Variants in PMPCB observed in about 807,000 individuals in gnomAD.
The protein encoded by PMPCB is peptidase, mitochondrial processing subunit beta.
A neutral mutation model predicts 61.5 loss-of-function variants in PMPCB; 46 were observed. That is an observed-to-expected ratio of 0.75 (90% CI 0.59 to 0.96). The LOEUF (loss-of-function observed/expected upper bound fraction) is 0.96. Ranked by LOEUF, PMPCB falls within the 40% of genes least tolerant of loss-of-function variation. The probability of loss-of-function intolerance (pLI) is 0.00; values close to 1 mark genes in which losing one functional copy is unlikely to be tolerated. For missense variants in PMPCB, 590 were observed against 602.4 expected (o/e 0.98, Z 0.22); for synonymous variants, 191 against 201.6 (o/e 0.95, Z 0.44).
intron 3 of PMPCB, 71 bp downstream of exon 3, chr7:103,299,600 G>C: frequency 1.2e-6 from 1 of 835,088 alleles, no homozygotes; most frequent in Non-Finnish European, 2.0e-6. Flanking sequence ...ATTCTTTAGA[G>C]GCAGGGAGAG....
chr7:103,312,231 T>G lies in PMPCB; in HGVS notation c.1430T>G (p.Phe477Cys). 6.2e-7 allele frequency: 1 copy of G among 1,613,318 alleles called. No individual in the cohort carries two copies. Among genetic ancestry groups the G allele is most frequent in the Non-Finnish European group, 8.5e-7 (1 of 1,179,938 alleles). The change falls in exon 13 of 13, where the codon TTT becomes TGT. Residue 477 changes from phenylalanine (F) to cysteine (C), a missense_variant. Phe to Cys is a radical substitution (Grantham distance 205, BLOSUM62 -2). Coordinates refer to ENST00000249269, the MANE Select transcript of PMPCB (RefSeq NM_004279.3). Reference sequence around the variant, plus strand: ...GGTCCCATTAAGCAACTACCAGATTTTAAACAGATACGCAGTAACATGTGT... The same window carrying G: ...GGTCCCATTAAGCAACTACCAGATTGTAAACAGATACGCAGTAACATGTGT... ...AVGPIKQLPDFKQIRSNMCWL... is the reference protein window; with the variant it reads ...AVGPIKQLPDCKQIRSNMCWL...
chr7:103,297,774 C>A lies in PMPCB; in HGVS notation c.99+216C>A, dbSNP rs1162881910. ...GACCTGCTAGTGACGTGTGGGATGA[C>A]CCTGGTTTTCGGCTCCTCCCGCCAG... is the stretch of plus-strand genomic sequence containing the variant. On this transcript the variant is annotated intron_variant, in intron 1 of 12. Transcript: ENST00000249269. 7.1e-5 allele frequency: 109 copies of A among 1,531,898 alleles called. 1 individual carries two copies. The highest frequency in any genetic ancestry group is 7.3e-5 in the Non-Finnish European group (84 of 1,144,834). 94.9% of individuals were successfully genotyped at this position (1,531,898 alleles called of 1,614,324 possible).
chr7:103,318,860 C>T (rs747744606), downstream of PMPCB, among the ~76,000 whole-genome samples: 31 of 152,164 alleles, frequency 2.0e-4, no homozygotes, highest in Admixed American at 9.8e-4. Context: ...AAATCAAACA[C>T]TAAGTATGGT....
chr7:103,312,504 T>G lies in PMPCB; in HGVS notation c.*233T>G. 6.3e-7 allele frequency: 1 copy of G among 1,580,010 alleles called. No individual in the cohort carries two copies. The highest frequency in any genetic ancestry group is 8.6e-7 in the Non-Finnish European group (1 of 1,167,572). On this transcript the variant is annotated 3_prime_UTR_variant, in exon 13 of 13. Transcript: ENST00000249269. ...TCAAATTATTACCATGAGTATAATT[T>G]TAAGAATGAAAATGTTTACAGTATT...
chr7:103,331,235 G>A (rs1345025291), downstream of PMPCB, among the ~76,000 whole-genome samples: 2 of 152,236 alleles, frequency 1.3e-5, no homozygotes, highest in African/African-American at 4.8e-5. Flanking sequence ...TGGGATTACA[G>A]GCGTGAGCCA....
At chr7:103,308,497 C>T (rs1464446426) in intron 7 of PMPCB, among the ~76,000 whole-genome samples, 1 of 152,078 alleles carries the variant, frequency 6.6e-6, no homozygotes, top group Non-Finnish European at 1.5e-5. Flanking sequence ...TGGTGCATGC[C>T]TGTAGTCCCA....
downstream of PMPCB, among the ~76,000 whole-genome samples, chr7:103,315,213 C>G (rs984737533): frequency 6.6e-6 from 1 of 151,604 alleles, no homozygotes; most frequent in African/African-American, 2.4e-5. Flanking sequence ...GGTTTTGAAC[C>G]CTAACAATTT....
downstream of PMPCB, among the ~76,000 whole-genome samples, chr7:103,319,441 C>CA (rs1444950983): frequency 1.3e-5 from 2 of 151,200 alleles, no homozygotes; most frequent in African/African-American, 4.9e-5. Context: ...TGTCTCAAAA[C>CA]AAAAAACCAA....
chr7:103,345,471 C>CAGATACAG, the PMPCB span, among the ~76,000 whole-genome samples: 5 of 152,156 alleles, frequency 3.3e-5, no homozygotes, highest in South Asian at 1.0e-3. Flanking sequence ...GGCTCACCCC[C>CAGATACAG]AACAGCAGTA....
intron 12 of PMPCB, chr7:103,323,770 T>C (rs958036592): frequency 4.5e-6 from 4 of 887,372 alleles, no homozygotes; most frequent in Non-Finnish European, 6.2e-6. Flanking sequence ...CCTTCCCTTC[T>C]AGTATTGAAC....
At chr7:103,298,261 A>G (rs1295396266) in intron 1 of PMPCB, among the ~76,000 whole-genome samples, 1 of 151,142 alleles carries the variant, frequency 6.6e-6, no homozygotes. Flanking sequence ...TGTTTTCTCC[A>G]TAATGAATAT....
At position 103,313,526 on chromosome 7, in the gene PMPCB, T is replaced by TG. The variant is rs2115746534; in HGVS notation, c.*1256dup. ...AAGAGCTTCCTCACAGTTAAACTTT[T>TG]GCTGGATAGAAACCCTGGAAATCAT... On this transcript the variant is annotated 3_prime_UTR_variant, in exon 13 of 13. Coordinates refer to ENST00000249269, the MANE Select transcript of PMPCB (RefSeq NM_004279.3). The TG allele has an allele frequency of 1.0e-6, 1 of 984,500 alleles. No homozygotes were observed. The highest frequency in any genetic ancestry group is 1.1e-4 in the East Asian group (1 of 8,806). The allele number at this position is 984,500 out of a possible 1,614,324, so 61.0% of individuals were successfully genotyped here.
chr7:103,323,603 T>G (rs369683489), intron 12 of PMPCB: 16 of 1,472,270 alleles, frequency 1.1e-5, no homozygotes, highest in Non-Finnish European at 1.5e-5. Flanking sequence ...CATACCATTC[T>G]GCTTTTTCTT....
At chr7:103,320,818 A>G (rs765753052) in intron 12 of PMPCB, 2 of 179,902 alleles carry the variant, frequency 1.1e-5, no homozygotes, top group South Asian at 2.2e-4. Context: ...ATCTTCAGTT[A>G]TCTCAGCATG....
At chr7:103,339,152 C>A in the PMPCB span, among the ~76,000 whole-genome samples, 4 of 152,138 alleles carry the variant, frequency 2.6e-5, no homozygotes, top group African/African-American at 9.7e-5. Context: ...GAACTTATGG[C>A]TACATGTTCT....
At chr7:103,315,818 C>G, downstream of PMPCB, 1 of 1,613,740 alleles carries the variant, frequency 6.2e-7, no homozygotes, top group Non-Finnish European at 8.5e-7. Context: ...ACTCCATGTT[C>G]TTTTTTGAAC....
chr7:103,327,065 G>T (rs1037975436), intron 12 of PMPCB, among the ~76,000 whole-genome samples: 4 of 152,166 alleles, frequency 2.6e-5, no homozygotes, highest in African/African-American at 9.7e-5. Context: ...AATATGAACG[G>T]TGTGCATACA....
chr7:103,328,926 C>T, intron 12 of PMPCB: 18 of 981,708 alleles, frequency 1.8e-5, no homozygotes, highest in Non-Finnish European at 2.5e-5. Context: ...ATTCTTTCTT[C>T]TTAGGATATA....
chr7:103,335,578 C>T, the PMPCB span: 1 of 151,140 alleles, frequency 6.6e-6, no homozygotes. Context: ...CACTCTCTCA[C>T]TCTGTTGCTC....
Sources: gnomAD v4.1 joint callset for allele counts (sites outside exome capture counted in the v4.1 genomes callset) on GRCh38, gnomAD v4.1.1 for gene constraint, MANE v1.5 for transcripts, NCBI Gene and HGNC (gene_info 2026-07-23, HGNC 2026-07-21) for gene names.